Variants in ABCA1 observed in about 807,000 individuals in gnomAD.
ABCA1 encodes ATP binding cassette subfamily A member 1, also known as phospholipid-transporting ATPase ABCA1.
In ABCA1, 133 loss-of-function variants were observed where a neutral mutation model predicts 262.5. The observed-to-expected ratio is 0.51, with a 90% confidence interval of 0.44 to 0.59. The LOEUF (loss-of-function observed/expected upper bound fraction) is 0.59, where lower values mean the gene tolerates loss of function less well. ABCA1 is among the 20% of genes least tolerant of loss of function. The pLI is 0.00. For missense variants in ABCA1, 2,452 were observed against 2,777.5 expected, an observed-to-expected ratio of 0.88 and a Z score of 2.63; for synonymous variants, 1,022 against 1,043.5, an observed-to-expected ratio of 0.98 and a Z score of 0.40.
At chr9:104,889,407 G>T in intron 2 of ABCA1, 1 of 981,990 alleles carries the variant, frequency 1.0e-6, no homozygotes, top group Non-Finnish European at 1.2e-6. Context: ...CCTTAGGTAA[G>T]GGAAGATGCT....
intron 5 of ABCA1, among the ~76,000 whole-genome samples, chr9:104,862,664 C>CAGGGCA (rs1564198671): frequency 4.2e-4 from 3 of 7,072 alleles, no homozygotes; most frequent in African/African-American, 1.1e-3. Context: ...CGGGCCGGGC[C>CAGGGCA]GGGCCGGGCC....
At chr9:104,820,158 T>A in intron 20 of ABCA1, 89 bp from the exon 21 acceptor site, 1 of 1,493,278 alleles carries the variant, frequency 6.7e-7, no homozygotes, top group South Asian at 1.1e-5. Context: ...AGAATGGGCA[T>A]ATTTTTCTCT....
intron 5 of ABCA1, among the ~76,000 whole-genome samples, chr9:104,868,562 G>A (rs1837297571): frequency 6.6e-6 from 1 of 152,196 alleles, no homozygotes; most frequent in South Asian, 2.1e-4. Flanking sequence ...TCCAGCAGAA[G>A]GTCAAGAGGG....
At chr9:104,821,569 C>T in intron 19 of ABCA1, 63 bp from the exon 20 acceptor site, 1 of 1,595,628 alleles carries the variant, frequency 6.3e-7, no homozygotes, top group Non-Finnish European at 8.6e-7. Context: ...CTAGATGCTC[C>T]ATTCAGTCTG....
intron 7 of ABCA1, chr9:104,856,199 A>C: frequency 2.1e-6 from 3 of 1,418,650 alleles, no homozygotes; most frequent in Non-Finnish European, 2.8e-6. Flanking sequence ...TAATTCAATA[A>C]GTAAGAGTCA....
chr9:104,882,033 A>AAAAAAAAAAAAAAAAAAC, intron 5 of ABCA1, among the ~76,000 whole-genome samples: 1 of 74,928 alleles, frequency 1.3e-5, no homozygotes, highest in African/African-American at 3.9e-5. Flanking sequence ...AGCCTTAAAA[A>AAAAAAAAAAAAAAAAAAC]AAAAAAAAAA....
chr9:104,839,860 A>G (rs1248931931), intron 9 of ABCA1, among the ~76,000 whole-genome samples: 1 of 152,246 alleles, frequency 6.6e-6, no homozygotes, highest in Non-Finnish European at 1.5e-5. Flanking sequence ...AGTCATCACG[A>G]TGTACATCAA....
Position 104,837,242 on chromosome 9 carries a change from T to C in ABCA1, c.1195-146A>G, listed in dbSNP as rs1184984862. 9 of 1,057,776 alleles carry C rather than the reference T, an allele frequency of 8.5e-6. No homozygotes were observed. The South Asian group carries it at 1.1e-4, about 13-fold the overall frequency. The allele number at this position is 1,057,776 out of a possible 1,614,324, so 65.5% of individuals were successfully genotyped here. ...CCCAAGAAATGCCTGCTTGTAACTA[T>C]GATTCTATACCCACGACTGGGGAGC... On this transcript the variant is annotated intron_variant, in intron 10 of 49. Transcript: ENST00000374736.
intron 1 of ABCA1, among the ~76,000 whole-genome samples, chr9:104,910,093 CA>C (rs1227045480): frequency 6.6e-6 from 1 of 152,146 alleles, no homozygotes; most frequent in Non-Finnish European, 1.5e-5. Context: ...CGAAGGGTGA[CA>C]GTCAGCCCTC....
chr9:104,869,093 G>A (rs1051984252), intron 5 of ABCA1, among the ~76,000 whole-genome samples: 2 of 152,108 alleles, frequency 1.3e-5, no homozygotes, highest in African/African-American at 4.8e-5. Context: ...AAAGCCCTTT[G>A]CTGAGCTGAG....
chr9:104,896,290 C>CA (rs893168683), intron 2 of ABCA1, among the ~76,000 whole-genome samples: 2 of 151,834 alleles, frequency 1.3e-5, no homozygotes, highest in African/African-American at 4.8e-5. Context: ...GACACATAAA[C>CA]AAAAAAACCT....
chr9:104,904,982 C>T (rs1228070298), intron 1 of ABCA1, among the ~76,000 whole-genome samples: 1 of 152,156 alleles, frequency 6.6e-6, no homozygotes, highest in African/African-American at 2.4e-5. Flanking sequence ...AGCAGTTACC[C>T]TTATTTAATG....
At chr9:104,868,339 C>T (rs13291032) in intron 5 of ABCA1, among the ~76,000 whole-genome samples, 23,461 of 151,918 alleles carry the variant, frequency 0.15, 2,000 homozygotes, top group Middle Eastern at 0.24. Context: ...GCAACAAGAG[C>T]GACACTCTGT....
intron 44 of ABCA1, 24 bp from the exon 45 acceptor site, chr9:104,788,591 T>C (rs751106046): frequency 1.2e-6 from 2 of 1,613,844 alleles, no homozygotes; most frequent in East Asian, 4.5e-5. Context: ...GAAAACTACT[T>C]AGATTTTAAG....
At chr9:104,905,450 T>C (rs960670377) in intron 1 of ABCA1, among the ~76,000 whole-genome samples, 4 of 152,218 alleles carry the variant, frequency 2.6e-5, no homozygotes, top group African/African-American at 9.6e-5. Context: ...AATTCATTCA[T>C]TGACAGTCCA....
chr9:104,801,105 G>C (rs1830293471), intron 34 of ABCA1, among the ~76,000 whole-genome samples: 1 of 99,084 alleles, frequency 1.0e-5, no homozygotes, highest in Non-Finnish European at 1.9e-5. Context: ...CTACAGACCA[G>C]CTTGCCAGCT....
rs146036606 is a variant in ABCA1, at chr9:104,901,959, A to G, written c.66+1655T>C. Among the ~76,000 whole-genome samples the G allele has an allele frequency of 9.7e-4, 148 of 152,234 alleles. 1 individual carries two copies. In the East Asian group the frequency reaches 0.022, roughly 22 times the overall value. On this transcript the variant is annotated intron_variant, in intron 2 of 49. Transcript: ENST00000374736. ...TCTAAGTGTTTGCTTTTATTTTATT[A>G]ATATAATATTATCTATTATACTTTA...
At chr9:104,869,901 T>C (rs1837446694) in intron 5 of ABCA1, among the ~76,000 whole-genome samples, 1 of 144,988 alleles carries the variant, frequency 6.9e-6, no homozygotes, top group African/African-American at 2.7e-5. Context: ...GAGGTCTAGC[T>C]TCCTATACGT....
chr9:104,912,609 A>G (rs10521071), intron 1 of ABCA1, among the ~76,000 whole-genome samples: 11,262 of 152,178 alleles, frequency 0.074, 799 homozygotes, highest in African/African-American at 0.19. Context: ...TTTCATCACT[A>G]TAGAACTACG....
Sources: gnomAD v4.1 joint callset for allele counts (sites outside exome capture counted in the v4.1 genomes callset) on GRCh38, gnomAD v4.1.1 for gene constraint, MANE v1.5 for transcripts, NCBI Gene and HGNC (gene_info 2026-07-23, HGNC 2026-07-21) for gene names.